Variants in CIT observed in about 807,000 individuals in gnomAD.
CIT encodes citron Rho-interacting kinase.
A neutral mutation model predicts 272.7 loss-of-function variants in CIT; 79 were observed. The ratio of observed to expected loss-of-function variants is 0.29; its 90% CI spans 0.24 to 0.35. CIT has a LOEUF of 0.35. CIT is among the 10% of genes least tolerant of loss of function. The pLI, the probability that CIT is intolerant of heterozygous loss-of-function variation, is 1.00. For missense variants in CIT, 1,909 were observed against 2,618.3 expected, an observed-to-expected ratio of 0.73 and a Z score of 5.91; for synonymous variants, 948 against 995.6, an observed-to-expected ratio of 0.95 and a Z score of 0.90.
chr12:119,748,457 T>C (rs996448900), intron 23 of CIT, among the ~76,000 whole-genome samples: 1 of 152,128 alleles, frequency 6.6e-6, no homozygotes, highest in Admixed American at 6.5e-5. Context: ...CCTTCTGGGA[T>C]CCATGGTCAG....
intron 10 of CIT, among the ~76,000 whole-genome samples, chr12:119,802,657 C>A (rs1451585968): frequency 6.6e-6 from 1 of 152,210 alleles, no homozygotes; most frequent in East Asian, 1.9e-4. Context: ...GATCCCTGAT[C>A]TTGCAGCATA....
chr12:119,853,526 G>A (rs947508298), intron 4 of CIT, among the ~76,000 whole-genome samples: 3 of 152,006 alleles, frequency 2.0e-5, no homozygotes, highest in Non-Finnish European at 4.4e-5. Context: ...CCATCCTCCC[G>A]CCTTGGCCTC....
chr12:119,867,788 A>G (rs961043463), intron 3 of CIT, among the ~76,000 whole-genome samples: 7 of 152,132 alleles, frequency 4.6e-5, no homozygotes, highest in African/African-American at 1.7e-4. Flanking sequence ...AAACTGGGAC[A>G]CTAACAGCCA....
intron 7 of CIT, among the ~76,000 whole-genome samples, chr12:119,829,950 G>C (rs750675664): frequency 6.6e-6 from 1 of 151,936 alleles, no homozygotes; most frequent in Non-Finnish European, 1.5e-5. Flanking sequence ...GGTAGTTCCA[G>C]TAAATGTGGA....
At chr12:119,813,468 G>A (rs1326506359) in intron 9 of CIT, among the ~76,000 whole-genome samples, 3 of 152,238 alleles carry the variant, frequency 2.0e-5, no homozygotes, top group East Asian at 3.9e-4. Context: ...CTCAGAAAAT[G>A]AGCATAACTG....
chr12:119,741,505 A>G (rs975158626), intron 24 of CIT, among the ~76,000 whole-genome samples: 5 of 152,250 alleles, frequency 3.3e-5, no homozygotes, highest in Non-Finnish European at 7.3e-5. Context: ...GATACATTTT[A>G]TATCTAAATT....
chr12:119,770,768 C>A lies in CIT; in HGVS notation c.2208+17G>T. The A allele has an allele frequency of 6.2e-7, 1 of 1,612,726 alleles. No individual in the cohort carries two copies. The highest frequency in any genetic ancestry group is 1.1e-5 in the South Asian group (1 of 91,036). ...AACCTGTTATCTTTTAACTTTGCGA[C>A]TTTCATTCCTGCTCACCAGAATTTT... is the stretch of plus-strand genomic sequence containing the variant. On this transcript the variant is annotated intron_variant, in intron 18 of 47. Coordinates refer to ENST00000392521, the MANE Select transcript of CIT (RefSeq NM_001206999.2). This position sits in a 1 kb window ranked among gnomAD's most constrained non-coding sequence, Gnocchi z 4.4.
Position 119,714,279 on chromosome 12 carries a change from G to T in CIT, c.4224C>A (p.Asn1408Lys). ...TTGTGGCTCGCATGTTCAGTCCTAC[G>T]TTGAATCGGTGAGGAATATTGTGGT... is the stretch of plus-strand genomic sequence containing the variant. ...RMHHNIPHRF[N>K]VGLNMRATKC... The change falls in exon 33 of 48, where the codon AAC (asparagine) becomes AAA (lysine). Residue 1408 changes from asparagine (N) to lysine (K), a missense_variant. By Grantham distance (94) the Asn-to-Lys change is moderately conservative. This residue lies in a region of CIT where 780 missense variants were observed against 1,067.2 expected (regional missense o/e 0.73). Coordinates refer to ENST00000392521, the MANE Select transcript of CIT (RefSeq NM_001206999.2). 1 of 1,614,106 alleles carries T rather than the reference G, an allele frequency of 6.2e-7. No homozygotes were observed. The highest frequency in any genetic ancestry group is 8.5e-7 in the Non-Finnish European group (1 of 1,180,002).
In CIT at chr12:119,803,226, C is replaced by T. The variant is rs1056181013; in HGVS notation, c.1275G>A (p.Leu425=). Residue 425 remains leucine, a synonymous_variant, in exon 10 of 48, where the codon CTG becomes CTA. Transcript: ENST00000392521. ...CTTACTCAGATCTACCAAGAATCCC[C>T]AGTGCCTTGCTGTACGAAAACCCCA... is the stretch of plus-strand genomic sequence containing the variant. ...PFVGFSYSKA[L]GILGRSESVV... The T allele has an allele frequency of 2.5e-6, 4 of 1,573,784 alleles. No individual in the cohort carries two copies. Among genetic ancestry groups the T allele is most frequent in the African/African-American group, 2.8e-5 (2 of 71,572 alleles).
At chr12:119,715,597 G>A (rs1371009558) in intron 32 of CIT, among the ~76,000 whole-genome samples, 1 of 152,072 alleles carries the variant, frequency 6.6e-6, no homozygotes, top group Non-Finnish European at 1.5e-5. Flanking sequence ...TGTCAAAATT[G>A]TTCAAAAATT....
rs775141281 is a variant in CIT, at chr12:119,697,721, G to A, written c.5820C>T (p.Cys1940=). 4 of 1,614,166 alleles carry A rather than the reference G, an allele frequency of 2.5e-6. No individual in the cohort carries two copies. In the South Asian group the frequency reaches 4.4e-5, roughly 18 times the overall value. The change falls in exon 46 of 48, where the codon TGC becomes TGT. Residue 1940 remains cysteine (C), a synonymous_variant. Coordinates refer to ENST00000392521, the MANE Select transcript of CIT (RefSeq NM_001206999.2). The surrounding 1 kb of genome is among the most constrained non-coding windows in gnomAD (Gnocchi z 4.9). ...CGGACTCCTTCACGAGGTTTCCCTT[G>A]CAGCAAATGACCCTTAATTTATCCT... ...SYQDKLRVIC[C]KGNLVKESGT...
At chr12:119,742,153 A>G (rs990284276) in intron 24 of CIT, among the ~76,000 whole-genome samples, 10 of 151,352 alleles carry the variant, frequency 6.6e-5, no homozygotes, top group Non-Finnish European at 1.5e-4. Context: ...TTGTTCCACT[A>G]ATAGAATTAT....
chr12:119,857,803 C>T, intron 3 of CIT, 105 bp from the exon 4 acceptor site: 1 of 1,025,988 alleles, frequency 9.7e-7, no homozygotes, highest in Non-Finnish European at 1.4e-6. Context: ...TAGCTTCCCT[C>T]ACTGTCAAAG....
At chr12:119,874,125 G>A (rs1346241954) in intron 2 of CIT, among the ~76,000 whole-genome samples, 2 of 152,068 alleles carry the variant, frequency 1.3e-5, no homozygotes. Flanking sequence ...CTGGAGTGCA[G>A]TGCACCATCT....
chr12:119,737,093 G>T (rs924993546), intron 24 of CIT, among the ~76,000 whole-genome samples: 1 of 151,840 alleles, frequency 6.6e-6, no homozygotes, highest in Non-Finnish European at 1.5e-5. Context: ...TAAACATGAG[G>T]TCAGGAGATC....
At chr12:119,756,032 A>G (rs572643865) in intron 22 of CIT, among the ~76,000 whole-genome samples, 4 of 152,336 alleles carry the variant, frequency 2.6e-5, no homozygotes, top group South Asian at 2.1e-4. Context: ...ACAAATTGAC[A>G]CGCTCCCCAC....
Position 119,718,171 on chromosome 12 carries a change from ATTAC to A in CIT, c.4168+70_4168+73del, listed in dbSNP as rs1448124934. 6.7e-7 allele frequency: 1 copy of A among 1,494,624 alleles called. No individual in the cohort carries two copies. The highest frequency in any genetic ancestry group is 2.1e-5 in the Admixed American group (1 of 48,046). 92.6% of individuals were successfully genotyped at this position (1,494,624 alleles called of 1,614,324 possible). ...GACTTTTTAATCTTTAACCCCTAGT[ATTAC>A]TTGTAATTTTTACCATATGCCCACA... On this transcript the variant is annotated intron_variant, in intron 32 of 47. Coordinates refer to ENST00000392521, the MANE Select transcript of CIT (RefSeq NM_001206999.2). This position sits in a 1 kb window ranked among gnomAD's most constrained non-coding sequence, Gnocchi z 4.8.
chr12:119,709,237 T>C (rs751728862), intron 39 of CIT, among the ~76,000 whole-genome samples: 2 of 152,184 alleles, frequency 1.3e-5, no homozygotes, highest in African/African-American at 2.4e-5. Context: ...TCAAAACCCA[T>C]AGAATGTATA....
intron 13 of CIT, among the ~76,000 whole-genome samples, chr12:119,780,947 T>TA (rs1411385496): frequency 6.6e-6 from 1 of 152,214 alleles, no homozygotes; most frequent in East Asian, 1.9e-4. Flanking sequence ...GCCACCAACA[T>TA]ACACCTTTTC....
Sources: allele counts gnomAD v4.1 joint callset (sites outside exome capture counted in the v4.1 genomes callset), GRCh38; gene constraint gnomAD v4.1.1; regional missense constraint gnomAD v4.1.1; non-coding constraint Gnocchi (gnomAD v3.1); transcripts MANE v1.5; gene names NCBI Gene and HGNC (gene_info 2026-07-23, HGNC 2026-07-21).